Variants in BMPR1B observed in about 807,000 individuals in gnomAD.
The protein encoded by BMPR1B is bone morphogenetic protein receptor type-1B.
In BMPR1B, 12 loss-of-function variants were observed where a neutral mutation model predicts 59.1. The ratio of observed to expected loss-of-function variants is 0.20; its 90% CI spans 0.13 to 0.33. The LOEUF (loss-of-function observed/expected upper bound fraction) is 0.33, where lower values mean the gene tolerates loss of function less well. BMPR1B is among the 10% of genes least tolerant of loss of function. BMPR1B has a pLI of 1.00. For missense variants in BMPR1B, 550 were observed against 610.9 expected (o/e 0.90, Z 1.05); for synonymous variants, 237 against 207.3 (o/e 1.14, Z -1.23).
chr4:94,776,673 G>A (rs1056185789), intron 1 of BMPR1B, among the ~76,000 whole-genome samples: 6 of 152,156 alleles, frequency 3.9e-5, no homozygotes, highest in African/African-American at 1.4e-4. Context: ...CTATTAAACT[G>A]TGCTTATTAA....
At chr4:94,917,326 C>A (rs780425968) in intron 2 of BMPR1B, among the ~76,000 whole-genome samples, 1 of 152,176 alleles carries the variant, frequency 6.6e-6, no homozygotes. Context: ...CAGCTTGCAC[C>A]CTGTGCCTGG....
chr4:95,135,760 G>T (rs112225927), intron 10 of BMPR1B, among the ~76,000 whole-genome samples: 2,366 of 152,226 alleles, frequency 0.016, 26 homozygotes, highest in Middle Eastern at 0.048. Flanking sequence ...AGGAGATTTT[G>T]GGCTGAGATG....
rs545295062 is a variant in BMPR1B, at chr4:94,962,966, C to T, written c.-112-33074C>T. On this transcript the variant is annotated intron_variant, in intron 2 of 12. Coordinates refer to ENST00000515059, the MANE Select transcript of BMPR1B (RefSeq NM_001203.3). ...GTGTACTAGCATTCTCCTTGCTCCACATTCTCACCAGCATCCATTATTACC... is the reference window on the plus strand; with the variant it reads ...GTGTACTAGCATTCTCCTTGCTCCATATTCTCACCAGCATCCATTATTACC... 6.6e-5 allele frequency among the ~76,000 whole-genome samples: 10 copies of T among 152,296 alleles called. No individual in the cohort carries two copies. In the East Asian group the frequency reaches 1.9e-3, roughly 29 times the overall value.
At chr4:94,884,980 G>C (rs1354011041) in intron 2 of BMPR1B, among the ~76,000 whole-genome samples, 1 of 152,198 alleles carries the variant, frequency 6.6e-6, no homozygotes, top group East Asian at 1.9e-4. Context: ...CACGTGAACA[G>C]GCTCACTTGG....
intron 4 of BMPR1B, among the ~76,000 whole-genome samples, chr4:95,109,907 G>C (rs556301286): frequency 8.0e-6 from 1 of 125,710 alleles, no homozygotes; most frequent in Non-Finnish European, 1.6e-5. Context: ...TCCCCTTCCT[G>C]TGTCCATGTG....
intron 3 of BMPR1B, among the ~76,000 whole-genome samples, chr4:95,100,133 G>T (rs1381972262): frequency 6.6e-6 from 1 of 152,032 alleles, no homozygotes; most frequent in Non-Finnish European, 1.5e-5. Context: ...TATCTTGGAG[G>T]TAAGCTTCGT....
rs1475437914 is a variant in BMPR1B, at chr4:95,096,947, TAA to T, written c.-17-7459_-17-7458del. Among the ~76,000 whole-genome samples the T allele has an allele frequency of 6.0e-4, 86 of 143,188 alleles. 3 individuals are homozygous for T. The highest frequency in any genetic ancestry group is 2.1e-3 in the African/African-American group (82 of 39,548). The allele number at this position is 143,188 out of a possible 152,430, so 93.9% of individuals were successfully genotyped here. ...TTAAATCAAATTAAATATATGTAAC[TAA>T]AGTTATATAACTTTATTATATATAG... On this transcript the variant is annotated intron_variant, in intron 3 of 12. Transcript: ENST00000515059.
At chr4:95,012,851 A>C (rs1723318429) in intron 3 of BMPR1B, among the ~76,000 whole-genome samples, 1 of 152,190 alleles carries the variant, frequency 6.6e-6, no homozygotes, top group Non-Finnish European at 1.5e-5. Flanking sequence ...TGAGAAGAAG[A>C]AACAAAATTT....
chr4:95,029,532 A>G (rs941687392), intron 3 of BMPR1B, among the ~76,000 whole-genome samples: 12 of 152,124 alleles, frequency 7.9e-5, no homozygotes, highest in Admixed American at 3.9e-4. Flanking sequence ...AGTCTTTGCT[A>G]TAATAGTCTT....
intron 3 of BMPR1B, among the ~76,000 whole-genome samples, chr4:95,021,321 T>G (rs12647875): frequency 2.0e-5 from 3 of 152,058 alleles, no homozygotes; most frequent in African/African-American, 7.2e-5. Flanking sequence ...TGCATACTTT[T>G]GTGTTTATGA....
chr4:94,916,158 G>A (rs894578325), intron 2 of BMPR1B, among the ~76,000 whole-genome samples: 1 of 152,124 alleles, frequency 6.6e-6, no homozygotes, highest in Non-Finnish European at 1.5e-5. Context: ...TGCAATACAG[G>A]AACAACCCAA....
chr4:94,843,001 C>G (rs1725153549), intron 1 of BMPR1B, among the ~76,000 whole-genome samples: 2 of 152,174 alleles, frequency 1.3e-5, no homozygotes, highest in South Asian at 4.2e-4. Context: ...ATCATAAAAA[C>G]TCTTAGTTAT....
chr4:95,112,572 A>G (rs1731704912), intron 4 of BMPR1B, among the ~76,000 whole-genome samples: 1 of 152,140 alleles, frequency 6.6e-6, no homozygotes, highest in African/African-American at 2.4e-5. Context: ...TGTGGCAGCT[A>G]ATATTCCATT....
At chr4:94,846,516 C>G (rs530486779) in intron 1 of BMPR1B, among the ~76,000 whole-genome samples, 12 of 152,094 alleles carry the variant, frequency 7.9e-5, no homozygotes, top group Non-Finnish European at 1.6e-4. Context: ...AAAAGGGAGA[C>G]TGGCCTAGCC....
chr4:94,917,508 C>T (rs1282274735), intron 2 of BMPR1B, among the ~76,000 whole-genome samples: 4 of 152,192 alleles, frequency 2.6e-5, no homozygotes, highest in South Asian at 2.1e-4. Flanking sequence ...TAAGATTTAA[C>T]GACTGCCCTG....
intron 2 of BMPR1B, among the ~76,000 whole-genome samples, chr4:94,995,020 C>G (rs1037937483): frequency 2.0e-5 from 3 of 152,014 alleles, no homozygotes; most frequent in African/African-American, 7.2e-5. Flanking sequence ...TTGATTTAAT[C>G]AAGAGAAAAT....
At chr4:94,899,459 ATATT>A (rs1727719662) in intron 2 of BMPR1B, among the ~76,000 whole-genome samples, 2 of 149,504 alleles carry the variant, frequency 1.3e-5, no homozygotes, top group South Asian at 4.2e-4. Flanking sequence ...ACACACATAT[ATATT>A]TAAATCATAT....
chr4:95,036,004 T>G (rs1369402110), intron 3 of BMPR1B, among the ~76,000 whole-genome samples: 1 of 152,148 alleles, frequency 6.6e-6, no homozygotes, highest in Non-Finnish European at 1.5e-5. Flanking sequence ...CCTCCCAGTT[T>G]AGGTATATTC....
intron 1 of BMPR1B, among the ~76,000 whole-genome samples, chr4:94,777,224 T>G (rs1722406369): frequency 1.3e-5 from 2 of 152,100 alleles, no homozygotes; most frequent in African/African-American, 2.4e-5. Flanking sequence ...CTCTCATATT[T>G]TAAGAGAAGT....
Sources: allele counts gnomAD v4.1 joint callset (sites outside exome capture counted in the v4.1 genomes callset), GRCh38; gene constraint gnomAD v4.1.1; transcripts MANE v1.5; gene names NCBI Gene and HGNC (gene_info 2026-07-23, HGNC 2026-07-21).